Variants in HAPLN3 observed in about 807,000 individuals in gnomAD.
HAPLN3 encodes hyaluronan and proteoglycan link protein 3, also known as extracellular link domain containing, 1.
A neutral mutation model predicts 28.1 loss-of-function variants in HAPLN3; 28 were observed. The observed-to-expected ratio is 1.00, with a 90% confidence interval of 0.74 to 1.37. The LOEUF (loss-of-function observed/expected upper bound fraction) is 1.37. Among genes scored for constraint, HAPLN3 ranks in the 40% most tolerant of loss-of-function variants. HAPLN3 has a pLI of 0.00. For missense variants in HAPLN3, 513 were observed against 504.6 expected (o/e 1.02, Z -0.16); for synonymous variants, 211 against 213.1 (o/e 0.99, Z 0.09).
At chr15:88,892,440 G>C (rs957161686) in intron 1 of HAPLN3, among the ~76,000 whole-genome samples, 1 of 151,664 alleles carries the variant, frequency 6.6e-6, no homozygotes, top group African/African-American at 2.4e-5. Flanking sequence ...CTGGGCGACA[G>C]AGTGAAACTG....
At chr15:88,882,471 T>C (rs913502667) in intron 2 of HAPLN3, among the ~76,000 whole-genome samples, 2 of 152,216 alleles carry the variant, frequency 1.3e-5, no homozygotes, top group African/African-American at 4.8e-5. Context: ...TACTCTCTGG[T>C]CCAGCTGTCC....
At chr15:88,890,743 A>T (rs1338127797) in intron 1 of HAPLN3, among the ~76,000 whole-genome samples, 1 of 152,208 alleles carries the variant, frequency 6.6e-6, no homozygotes, top group Non-Finnish European at 1.5e-5. Flanking sequence ...TCTGGAAACC[A>T]CAGTATCCAG....
chr15:88,892,560 G>C (rs1441449657), intron 1 of HAPLN3, among the ~76,000 whole-genome samples: 1 of 152,146 alleles, frequency 6.6e-6, no homozygotes, highest in Admixed American at 6.5e-5. Flanking sequence ...AGGCCTCTCT[G>C]AGAGAGGAGC....
chr15:88,891,737 G>C (rs566332541), intron 1 of HAPLN3, among the ~76,000 whole-genome samples: 3 of 152,170 alleles, frequency 2.0e-5, no homozygotes, highest in Non-Finnish European at 4.4e-5. Flanking sequence ...GCTAGGATTC[G>C]AACCCACTCC....
intron 1 of HAPLN3, among the ~76,000 whole-genome samples, chr15:88,894,483 G>C (rs966134630): frequency 1.3e-5 from 2 of 152,208 alleles, no homozygotes; most frequent in Non-Finnish European, 2.9e-5. Context: ...CACGAGCGCT[G>C]CTCCCAGCGA....
At chr15:88,892,866 A>T in intron 1 of HAPLN3, 2 of 1,200,776 alleles carry the variant, frequency 1.7e-6, no homozygotes, top group Non-Finnish European at 2.3e-6. Context: ...GAGGGGAGGG[A>T]TGGGTAGCCT....
intron 2 of HAPLN3, among the ~76,000 whole-genome samples, chr15:88,883,693 G>T (rs537575415): frequency 6.6e-6 from 1 of 152,198 alleles, no homozygotes; most frequent in Non-Finnish European, 1.5e-5. Context: ...CTTAGAAAAC[G>T]AGTTCTATTC....
At position 88,880,977 on chromosome 15, in the gene HAPLN3, T is replaced by C; in HGVS notation, c.493+380A>G. Among the ~76,000 whole-genome samples, 1 of 152,212 alleles carries C rather than the reference T, an allele frequency of 6.6e-6. No individual in the cohort carries two copies. Among genetic ancestry groups the C allele is most frequent in the East Asian group, 1.9e-4 (1 of 5,158 alleles). On this transcript the variant is annotated intron_variant, in intron 3 of 4. Coordinates refer to ENST00000359595, the MANE Select transcript of HAPLN3 (RefSeq NM_178232.4). The surrounding 1 kb of genome is among the most constrained non-coding windows in gnomAD (Gnocchi z 6.0). The stretch of plus-strand genomic sequence containing the variant: ...ATCGTCTCACAGTGGGCTGCCTCAT[T>C]CGCTTGTGTTACCCGCTAACCTTGC...
intron 1 of HAPLN3, among the ~76,000 whole-genome samples, chr15:88,890,575 G>A (rs774096584): frequency 6.6e-6 from 1 of 152,190 alleles, no homozygotes; most frequent in Admixed American, 6.5e-5. Context: ...GTGCACGACC[G>A]TTCAGCTGAA....
At chr15:88,891,335 C>T (rs970699921) in intron 1 of HAPLN3, among the ~76,000 whole-genome samples, 2 of 152,132 alleles carry the variant, frequency 1.3e-5, no homozygotes, top group African/African-American at 4.8e-5. Flanking sequence ...CTCACTCTGT[C>T]GCCCAGGCTG....
In HAPLN3 at chr15:88,881,624, G is replaced by T; in HGVS notation, c.226C>A (p.Pro76Thr). The change falls in exon 3 of 5, where the codon CCG becomes ACG. Residue 76 changes from proline (P) to threonine (T), a missense_variant. Pro to Thr is a conservative substitution (Grantham distance 38, BLOSUM62 -1). Coordinates refer to ENST00000359595, the MANE Select transcript of HAPLN3 (RefSeq NM_178232.4). The surrounding 1 kb of genome is among the most constrained non-coding windows in gnomAD (Gnocchi z 6.0). Reference sequence around the variant, plus strand: ...ACACGCCGCGGGGAGACCAGGGCCGGCTCGTAGCGGTAGCGGCAGGGCAGG... The same window carrying T: ...ACACGCCGCGGGGAGACCAGGGCCGTCTCGTAGCGGTAGCGGCAGGGCAGG... ...VILPCRYRYE[P>T]ALVSPRRVRV... is the part of the protein sequence containing the mutation. The T allele has an allele frequency of 6.2e-7, 1 of 1,614,014 alleles. No homozygotes were observed. Among genetic ancestry groups the T allele is most frequent in the Non-Finnish European group, 8.5e-7 (1 of 1,180,030 alleles).
rs1279847099 is a variant in HAPLN3, at chr15:88,878,173, C to T, written c.880G>A (p.Ala294Thr). 3.1e-6 allele frequency: 5 copies of T among 1,614,156 alleles called. No individual in the cohort carries two copies. The highest frequency in any genetic ancestry group is 1.1e-5 in the South Asian group (1 of 91,080). ...GCGGCAAAGAGCTGTCCCACCTTGGCGATCGTGGCATCATCTTCCTGGCAG... is the reference window on the plus strand; with the variant it reads ...GCGGCAAAGAGCTGTCCCACCTTGGTGATCGTGGCATCATCTTCCTGGCAG... ...EACQEDDATIAKVGQLFAAWK... is the reference protein window; with the variant it reads ...EACQEDDATITKVGQLFAAWK... Residue 294 changes from alanine to threonine, a missense_variant, in exon 5 of 5, where the codon GCC (alanine) becomes ACC (threonine). Physicochemically the swap from Ala to Thr is moderately conservative, Grantham distance 58. Transcript: ENST00000359595.
intron 1 of HAPLN3, among the ~76,000 whole-genome samples, chr15:88,889,204 AG>A (rs1343228623): frequency 6.6e-6 from 1 of 152,006 alleles, no homozygotes; most frequent in Non-Finnish European, 1.5e-5. Context: ...CCTCCATTAA[AG>A]TCTCTTTATT....
intron 1 of HAPLN3, chr15:88,893,078 G>T: frequency 9.6e-7 from 1 of 1,045,964 alleles, no homozygotes; most frequent in Non-Finnish European, 1.4e-6. Flanking sequence ...AGTGACTTCG[G>T]GCAAGTTCAC....
chr15:88,881,610 G>T lies in HAPLN3; in HGVS notation c.240C>A (p.Ser80=), dbSNP rs371962832. 1.8e-4 allele frequency: 296 copies of T among 1,613,978 alleles called. No individual in the cohort carries two copies. The highest frequency in any genetic ancestry group is 2.5e-4 in the Non-Finnish European group (290 of 1,180,050). Residue 80 remains serine (S), a synonymous_variant, in exon 3 of 5, where the codon TCC becomes TCA. Coordinates refer to ENST00000359595, the MANE Select transcript of HAPLN3 (RefSeq NM_178232.4). The surrounding 1 kb of genome is among the most constrained non-coding windows in gnomAD (Gnocchi z 6.0). ...CRYRYEPALV[S]PRRVRVKWWK... ...ACCATTTGACACGCACACGCCGCGG[G>T]GAGACCAGGGCCGGCTCGTAGCGGT...
At position 88,879,485 on chromosome 15, in the gene HAPLN3, G is replaced by C. The variant is rs553465862; in HGVS notation, c.494-216C>G. Reference sequence around the variant, plus strand: ...ACAGCAGTACTCAGAAAACATCCATGAGTTAAGGTAATTAATTAGTCCATT... The same window carrying C: ...ACAGCAGTACTCAGAAAACATCCATCAGTTAAGGTAATTAATTAGTCCATT... On this transcript the variant is annotated intron_variant, in intron 3 of 4. Transcript: ENST00000359595. The surrounding 1 kb of genome is among the most constrained non-coding windows in gnomAD (Gnocchi z 5.0). 1 of 1,527,894 alleles carries C rather than the reference G, an allele frequency of 6.5e-7. No homozygotes were observed. The highest frequency in any genetic ancestry group is 1.4e-5 in the African/African-American group (1 of 72,890). The allele number at this position is 1,527,894 out of a possible 1,614,324, so 94.6% of individuals were successfully genotyped here.
At chr15:88,882,547 C>T (rs1001016923) in intron 2 of HAPLN3, among the ~76,000 whole-genome samples, 2 of 152,354 alleles carry the variant, frequency 1.3e-5, no homozygotes, top group African/African-American at 4.8e-5. Context: ...AAGGAGACTA[C>T]GCTCACGGCT....
At position 88,877,858 on chromosome 15, in the gene HAPLN3, T is replaced by G. The variant is rs1280560672; in HGVS notation, c.*112A>C. The G allele has an allele frequency of 3.7e-6, 4 of 1,093,702 alleles. No individual in the cohort carries two copies. The Admixed American group carries it at 9.2e-5, about 25-fold the overall frequency. 67.7% of individuals were successfully genotyped at this position (1,093,702 alleles called of 1,614,324 possible). On this transcript the variant is annotated 3_prime_UTR_variant, in exon 5 of 5. Transcript: ENST00000359595. This position sits in a 1 kb window ranked among gnomAD's most constrained non-coding sequence, Gnocchi z 5.1. ...TAGTAAAAAAATGTTTAAAGAAAAT[T>G]TAAATTGAGAAGTATAAAAACAGTT...
chr15:88,883,901 A>C lies in HAPLN3; in HGVS notation c.125-2176T>G, dbSNP rs528316617. On this transcript the variant is annotated intron_variant, in intron 2 of 4. Transcript: ENST00000359595. ...GAGACTAGCGTGGCCAACACGGTGA[A>C]GCCCCATCTCTACTAAAAATACAAA... Among the ~76,000 whole-genome samples the C allele has an allele frequency of 2.0e-3, 308 of 152,144 alleles. 2 individuals are homozygous for C. Among genetic ancestry groups the C allele is most frequent in the African/African-American group, 6.9e-3 (286 of 41,520 alleles).
Sources: gnomAD v4.1 joint callset for allele counts (sites outside exome capture counted in the v4.1 genomes callset) on GRCh38, gnomAD v4.1.1 for gene constraint, Gnocchi (gnomAD v3.1) non-coding constraint, MANE v1.5 for transcripts, NCBI Gene and HGNC (gene_info 2026-07-23, HGNC 2026-07-21) for gene names.